Variants in ACTN2 observed in about 807,000 individuals in gnomAD.
ACTN2 encodes the protein actinin alpha 2.
Under a neutral mutation model 113.8 loss-of-function variants are expected in ACTN2, and 39 were observed. The ratio of observed to expected loss-of-function variants is 0.34; its 90% CI spans 0.27 to 0.45. The LOEUF is 0.45. Ranked by LOEUF, ACTN2 falls within the 20% of genes least tolerant of loss-of-function variation. The pLI is 1.00. For missense variants in ACTN2, 992 were observed against 1,177.9 expected (o/e 0.84, Z 2.31); for synonymous variants, 429 against 444.1 (o/e 0.97, Z 0.43).
rs184699039 is a variant in ACTN2, at chr1:236,753,926, G to A, written c.1840-21G>A. Reference sequence around the variant, plus strand: ...AGACCACAGCTGGCCTCTAACCCTTGTTGTCCTTGGGCCCTGACAGGTGAA... The same window carrying A: ...AGACCACAGCTGGCCTCTAACCCTTATTGTCCTTGGGCCCTGACAGGTGAA... On this transcript the variant is annotated intron_variant, in intron 15 of 20. Coordinates refer to ENST00000366578, the MANE Select transcript of ACTN2 (RefSeq NM_001103.4). The A allele has an allele frequency of 2.1e-4, 329 of 1,556,848 alleles. 1 individual carries two copies. In the African/African-American group the frequency reaches 4.2e-3, roughly 20 times the overall value.
intron 4 of ACTN2, among the ~76,000 whole-genome samples, chr1:236,722,366 G>A (rs1275285353): frequency 6.6e-6 from 1 of 152,112 alleles, no homozygotes; most frequent in Non-Finnish European, 1.5e-5. Context: ...GCCGGGCGCG[G>A]TGGCTCACGC....
chr1:236,753,914 C>A, intron 15 of ACTN2, 33 bp from the exon 16 acceptor site: 1 of 1,607,680 alleles, frequency 6.2e-7, no homozygotes, highest in Non-Finnish European at 8.5e-7. Context: ...CCACAGCTGG[C>A]CTCTAACCCT....
rs1319107519 is a variant in ACTN2, at chr1:236,686,796, G to A, written c.123G>A (p.Arg41=). Residue 41 remains arginine, a synonymous_variant, in exon 1 of 21, where the codon AGG becomes AGA. Coordinates refer to ENST00000366578, the MANE Select transcript of ACTN2 (RefSeq NM_001103.4). The part of the protein sequence containing the change: ...LLDPAWEKQQ[R]KTFTAWCNSH... Reference sequence around the variant, plus strand: ...ACCCAGCCTGGGAGAAGCAGCAGAGGAAGGTCAGCAGGGGCCCGCGGGCCG... The same window carrying A: ...ACCCAGCCTGGGAGAAGCAGCAGAGAAAGGTCAGCAGGGGCCCGCGGGCCG... The A allele has an allele frequency of 2.0e-6, 3 of 1,518,014 alleles. No homozygotes were observed. Among genetic ancestry groups the A allele is most frequent in the South Asian group, 2.5e-5 (2 of 79,210 alleles). The allele number at this position is 1,518,014 out of a possible 1,614,324, so 94.0% of individuals were successfully genotyped here. A position where few individuals can be genotyped will look rare whatever the true frequency, so the allele number is the denominator to read the frequency against.
intron 1 of ACTN2, among the ~76,000 whole-genome samples, chr1:236,708,472 T>A (rs896958906): frequency 3.3e-5 from 5 of 152,242 alleles, no homozygotes; most frequent in Non-Finnish European, 5.9e-5. Flanking sequence ...TTCGTTGTGC[T>A]GAGTGGTTAG....
rs547343364 is a variant in ACTN2 at position 236,757,217 on chromosome 1, C to T, written c.2155-269C>T. Among the ~76,000 whole-genome samples, 12 of 139,858 alleles carry T rather than the reference C, an allele frequency of 8.6e-5. No individual in the cohort carries two copies. The South Asian group carries it at 2.8e-3, about 32-fold the overall frequency. 91.8% of individuals were successfully genotyped at this position (139,858 alleles called of 152,430 possible). On this transcript the variant is annotated intron_variant, in intron 17 of 20. Coordinates refer to ENST00000366578, the MANE Select transcript of ACTN2 (RefSeq NM_001103.4). ...AATAGAGTATATACTGCAGAGTGCC[C>T]GCTGCCACCGTTAGAACCCTGGTTA...
intron 15 of ACTN2, among the ~76,000 whole-genome samples, chr1:236,753,465 A>C (rs1348431033): frequency 1.3e-5 from 2 of 152,192 alleles, no homozygotes; most frequent in Admixed American, 1.3e-4. Context: ...ATAAGGTCAC[A>C]GGGACTACTA....
intron 6 of ACTN2, among the ~76,000 whole-genome samples, chr1:236,730,155 A>AG (rs1658672882): frequency 6.6e-6 from 1 of 152,252 alleles, no homozygotes; most frequent in South Asian, 2.1e-4. Context: ...CCGATAGCTG[A>AG]GGTAGGAAAT....
intron 1 of ACTN2, among the ~76,000 whole-genome samples, chr1:236,698,596 G>A (rs1473662015): frequency 6.6e-6 from 1 of 152,142 alleles, no homozygotes; most frequent in Non-Finnish European, 1.5e-5. Context: ...ATATAAGGTG[G>A]CTGATTATTT....
At chr1:236,721,022 G>GTTTTTTTTTTTTTTTTTTTTTTT (rs869077774) in intron 4 of ACTN2, among the ~76,000 whole-genome samples, 2 of 66,510 alleles carry the variant, frequency 3.0e-5, no homozygotes, top group African/African-American at 1.2e-4. Context: ...TTTGTTTTTT[G>GTTTTTTTTTTTTTTTTTTTTTTT]TTTTTTTTTT....
chr1:236,746,196 A>G (rs899906167), intron 12 of ACTN2, among the ~76,000 whole-genome samples: 2 of 151,784 alleles, frequency 1.3e-5, no homozygotes, highest in Admixed American at 6.6e-5. Context: ...AAGAAAAAAA[A>G]AAAGAAAACG....
At chr1:236,744,009 A>G (rs966841413) in intron 11 of ACTN2, among the ~76,000 whole-genome samples, 2 of 152,252 alleles carry the variant, frequency 1.3e-5, no homozygotes, top group Non-Finnish European at 1.5e-5. Context: ...CCAATTTCAT[A>G]GAATTCTTAA....
intron 1 of ACTN2, among the ~76,000 whole-genome samples, chr1:236,709,220 G>GTGTGTGTGTATATATATATATATA (rs1275373436): frequency 1.5e-5 from 1 of 66,838 alleles, no homozygotes; most frequent in African/African-American, 6.1e-5. Flanking sequence ...ACAAATGACT[G>GTGTGTGTGTATATATATATATATA]TATATATATA....
At chr1:236,721,729 A>C (rs1658400647) in intron 4 of ACTN2, among the ~76,000 whole-genome samples, 1 of 152,220 alleles carries the variant, frequency 6.6e-6, no homozygotes, top group African/African-American at 2.4e-5. Flanking sequence ...TGTTGAACCC[A>C]CTTTAAATAA....
chr1:236,735,463 C>T (rs938655675), intron 7 of ACTN2, among the ~76,000 whole-genome samples, 172 bp from the exon 8 acceptor site: 3 of 152,266 alleles, frequency 2.0e-5, no homozygotes, highest in South Asian at 2.1e-4. Flanking sequence ...CGAATCATTT[C>T]GATACAATAT....
chr1:236,689,145 C>T (rs1015067669), intron 1 of ACTN2, among the ~76,000 whole-genome samples: 8 of 151,892 alleles, frequency 5.3e-5, no homozygotes, highest in South Asian at 2.1e-4. Flanking sequence ...GGCGTTTCAA[C>T]GTGTCTACCT....
At chr1:236,753,312 A>G (rs10802560) in intron 15 of ACTN2, among the ~76,000 whole-genome samples, 141,330 of 152,310 alleles carry the variant, frequency 0.93, 65,615 homozygotes, top group South Asian at 0.94. Flanking sequence ...TGTCATGTAT[A>G]TGCTTCTTTA....
At chr1:236,737,598 C>A (rs1658928685) in intron 9 of ACTN2, among the ~76,000 whole-genome samples, 1 of 150,962 alleles carries the variant, frequency 6.6e-6, no homozygotes, top group South Asian at 2.1e-4. Flanking sequence ...AGGATGCACT[C>A]CATATGCAAA....
At chr1:236,721,022 G>GTTTTTTTTTTTTTTTTTT (rs869077774) in intron 4 of ACTN2, among the ~76,000 whole-genome samples, 59 of 66,474 alleles carry the variant, frequency 8.9e-4, no homozygotes, top group East Asian at 2.1e-3. Flanking sequence ...TTTGTTTTTT[G>GTTTTTTTTTTTTTTTTTT]TTTTTTTTTT....
chr1:236,747,493 A>AC (rs889711655), intron 12 of ACTN2, among the ~76,000 whole-genome samples, 174 bp from the exon 13 acceptor site: 1 of 151,250 alleles, frequency 6.6e-6, no homozygotes, highest in African/African-American at 2.4e-5. Flanking sequence ...CTACCCTTCC[A>AC]CCCCCTCACC....
Sources: allele counts gnomAD v4.1 joint callset (sites outside exome capture counted in the v4.1 genomes callset), GRCh38; gene constraint gnomAD v4.1.1; transcripts MANE v1.5; gene names NCBI Gene and HGNC (gene_info 2026-07-23, HGNC 2026-07-21).